Variants in CCDC171 observed in about 807,000 individuals in gnomAD.
The protein encoded by CCDC171 is coiled-coil domain-containing protein 171.
In CCDC171, 177 loss-of-function variants were observed where a neutral mutation model predicts 168.2. The ratio of observed to expected loss-of-function variants is 1.05; its 90% CI spans 0.93 to 1.19. CCDC171 has a LOEUF of 1.19. CCDC171 is among the 50% of genes most tolerant of loss of function. The probability of loss-of-function intolerance (pLI) is 0.00; values close to 1 mark genes in which losing one functional copy is unlikely to be tolerated. For synonymous variants in CCDC171, 687 were observed against 540.8 expected (o/e 1.27, Z -3.75); for missense variants, 1,991 against 1,539.0 (o/e 1.29, Z -4.91).
chr9:15,742,729 A>G (rs1455509825), intron 16 of CCDC171, among the ~76,000 whole-genome samples: 4 of 152,240 alleles, frequency 2.6e-5, no homozygotes, highest in Non-Finnish European at 5.9e-5. Flanking sequence ...TATCTCTATC[A>G]TAGCATTATA....
chr9:15,651,388 C>T (rs933759387), intron 7 of CCDC171, among the ~76,000 whole-genome samples: 7 of 151,234 alleles, frequency 4.6e-5, no homozygotes, highest in Admixed American at 2.0e-4. Context: ...GGATTACAGG[C>T]GTGAGCCACC....
At chr9:16,013,243 C>T (rs940595205) in intron 3 of CCDC171, among the ~76,000 whole-genome samples, 5 of 152,170 alleles carry the variant, frequency 3.3e-5, no homozygotes, top group Non-Finnish European at 7.3e-5. Flanking sequence ...CCTCTGTCCA[C>T]CCTCTTTCTT....
chr9:16,032,899 C>T (rs1473497808), intron 6 of CCDC171, among the ~76,000 whole-genome samples: 1 of 152,186 alleles, frequency 6.6e-6, no homozygotes. Context: ...CTCTCCAGGG[C>T]CTGGATTCCA....
At chr9:15,977,254 A>G (rs12005526), downstream of CCDC171, among the ~76,000 whole-genome samples, 11,896 of 152,170 alleles carry the variant, frequency 0.078, 1,525 homozygotes, top group African/African-American at 0.27. Context: ...TTTTTTAGTT[A>G]TTGTTTTAAA....
intron 21 of CCDC171, among the ~76,000 whole-genome samples, chr9:15,797,502 C>T (rs1032804683): frequency 2.8e-4 from 43 of 152,280 alleles, no homozygotes; most frequent in Admixed American, 2.1e-3. Flanking sequence ...AGGCATGAGC[C>T]ACTGTGTTTG....
At chr9:15,576,481 C>T (rs912528616) in intron 3 of CCDC171, among the ~76,000 whole-genome samples, 2 of 152,092 alleles carry the variant, frequency 1.3e-5, no homozygotes, top group African/African-American at 2.4e-5. Flanking sequence ...AGCCACCGCA[C>T]CTGGCCAGCA....
chr9:15,773,895 G>A (rs2057151128), intron 18 of CCDC171, among the ~76,000 whole-genome samples: 1 of 152,022 alleles, frequency 6.6e-6, no homozygotes, highest in Non-Finnish European at 1.5e-5. Context: ...CTATACATCC[G>A]ACAAAGGACT....
chr9:15,578,220 G>GT (rs1375982189), intron 3 of CCDC171, among the ~76,000 whole-genome samples: 1 of 151,006 alleles, frequency 6.6e-6, no homozygotes, highest in African/African-American at 2.4e-5. Flanking sequence ...TGTTTTTTAG[G>GT]TATGAATATT....
intron 6 of CCDC171, among the ~76,000 whole-genome samples, chr9:15,622,464 G>C (rs1253891742): frequency 6.6e-6 from 1 of 152,088 alleles, no homozygotes; most frequent in African/African-American, 2.4e-5. Context: ...TGAGTGGCTA[G>C]GTATTCTTGG....
chr9:15,981,599 T>C (rs1831798357), intron 3 of CCDC171, among the ~76,000 whole-genome samples: 1 of 152,156 alleles, frequency 6.6e-6, no homozygotes, highest in Non-Finnish European at 1.5e-5. Flanking sequence ...ATGTAGAAGC[T>C]TTTTAAGTTG....
intron 24 of CCDC171, among the ~76,000 whole-genome samples, chr9:15,882,575 G>T (rs911658884): frequency 6.6e-6 from 1 of 152,218 alleles, no homozygotes; most frequent in African/African-American, 2.4e-5. Flanking sequence ...AGGGCTTGTT[G>T]CAAAGTGAGA....
intron 7 of CCDC171, among the ~76,000 whole-genome samples, chr9:15,636,401 C>G (rs1440285263): frequency 6.6e-6 from 1 of 151,942 alleles, no homozygotes; most frequent in African/African-American, 2.4e-5. Context: ...TTCAGGAATT[C>G]ATTATATTTT....
intron 10 of CCDC171, among the ~76,000 whole-genome samples, chr9:15,684,597 A>G (rs1305450311): frequency 6.6e-6 from 1 of 152,124 alleles, no homozygotes; most frequent in Non-Finnish European, 1.5e-5. Flanking sequence ...ATGTTGAGTG[A>G]GCAAAAAAGT....
At chr9:15,790,447 G>GT (rs1351153594) in intron 21 of CCDC171, among the ~76,000 whole-genome samples, 3 of 152,046 alleles carry the variant, frequency 2.0e-5, no homozygotes, top group Non-Finnish European at 4.4e-5. Flanking sequence ...GCGGTTGTTT[G>GT]TTTTTTTCTT....
chr9:15,913,244 G>A (rs974789981), intron 24 of CCDC171, among the ~76,000 whole-genome samples: 3 of 152,068 alleles, frequency 2.0e-5, no homozygotes, highest in African/African-American at 7.2e-5. Flanking sequence ...ACTTCTTCCT[G>A]GTTTAGTCTT....
At chr9:15,584,433 G>A (rs545808719) in intron 4 of CCDC171, among the ~76,000 whole-genome samples, 23 of 152,336 alleles carry the variant, frequency 1.5e-4, no homozygotes, top group Admixed American at 5.2e-4. Context: ...CCGTATTTTT[G>A]TGTTAAGTCT....
chr9:15,907,591 G>T (rs1019355164), intron 24 of CCDC171, among the ~76,000 whole-genome samples: 1 of 152,160 alleles, frequency 6.6e-6, no homozygotes, highest in South Asian at 2.1e-4. Context: ...TCAGGACATA[G>T]GCATGGGCAA....
At chr9:15,874,852 A>T (rs1817641589) in intron 24 of CCDC171, 189 bp downstream of exon 24, 1 of 473,162 alleles carries the variant, frequency 2.1e-6, no homozygotes. Flanking sequence ...AAAGCCTAGA[A>T]CTAGCCTATT....
At chr9:15,970,484 T>C (rs538450937) in intron 25 of CCDC171, among the ~76,000 whole-genome samples, 3 of 152,170 alleles carry the variant, frequency 2.0e-5, no homozygotes, top group Non-Finnish European at 4.4e-5. Context: ...AACATTTATT[T>C]TGTGGGAATC....
Sources: gnomAD v4.1 joint callset for allele counts (sites outside exome capture counted in the v4.1 genomes callset) on GRCh38, gnomAD v4.1.1 for gene constraint, MANE v1.5 for transcripts, NCBI Gene and HGNC (gene_info 2026-07-23, HGNC 2026-07-21) for gene names.